SUV39H1: variants seen among roughly 807,000 people sequenced by gnomAD.
SUV39H1 encodes the protein histone-lysine N-methyltransferase SUV39H1.
For synonymous variants in SUV39H1, 141 were observed against 150.5 expected (o/e 0.94, Z 0.46); for missense variants, 180 against 386.3 (o/e 0.47, Z 4.48).
intron 1 of SUV39H1, 133 bp from the exon 2 acceptor site, chrX:48,698,769 G>T: frequency 1.3e-6 from 1 of 784,988 alleles, no homozygotes; most frequent in Non-Finnish European, 1.8e-6. Context: ...CAGCACTGGG[G>T]AAGGCCTGTG....
At chrX:48,700,997 C>A (rs988104670) in intron 3 of SUV39H1, 3 of 455,012 alleles carry the variant, frequency 6.6e-6, no homozygotes, top group Non-Finnish European at 1.2e-5. Flanking sequence ...TTGACTTTAT[C>A]AGGGTACTTA....
chrX:48,696,709 C>G, upstream of SUV39H1: 1 of 1,110,258 alleles, frequency 9.0e-7, no homozygotes, highest in East Asian at 4.0e-5. Context: ...ATAGGCTGCG[C>G]GTTCCCGGCC....
chrX:48,698,468 C>T (rs1019576571), intron 1 of SUV39H1, among the ~76,000 whole-genome samples: 3 of 111,294 alleles, frequency 2.7e-5, no homozygotes, highest in South Asian at 3.7e-4. Flanking sequence ...TGTTTGGTGC[C>T]CTGGAGGTTT....
chrX:48,705,829 C>T (rs1178598236), intron 3 of SUV39H1, among the ~76,000 whole-genome samples: 2 of 112,136 alleles, frequency 1.8e-5, no homozygotes, highest in Non-Finnish European at 3.8e-5. Flanking sequence ...TGCATGGGCT[C>T]AGGCTCCCTT....
upstream of SUV39H1, chrX:48,696,694 G>A (rs994852982): frequency 6.4e-6 from 7 of 1,086,729 alleles, no homozygotes; most frequent in Admixed American, 2.0e-4. Context: ...CGGGAGCCGC[G>A]GCCAATAGGC....
At chrX:48,695,731 C>A, upstream of SUV39H1, 1 of 1,146,219 alleles carries the variant, frequency 8.7e-7, no homozygotes, top group Non-Finnish European at 1.2e-6. Flanking sequence ...ATCGGCATAG[C>A]TGTCTGACTC....
chrX:48,703,305 G>A (rs1037582201), intron 3 of SUV39H1, among the ~76,000 whole-genome samples: 4 of 111,844 alleles, frequency 3.6e-5, no homozygotes, highest in Non-Finnish European at 7.5e-5. Flanking sequence ...CATACATTTC[G>A]TTGCAGCAGT....
Position 48,700,732 on chromosome X carries a change from C to T in SUV39H1, c.807C>T (p.Phe269=), listed in dbSNP as rs1557009332. 1.5e-5 allele frequency: 18 copies of T among 1,208,073 alleles called. No homozygotes were observed. Among genetic ancestry groups the T allele is most frequent in the South Asian group, 3.5e-5 (2 of 56,722 alleles). ...RTLEKIRKNS[F]VMEYVGEIIT... is the part of the protein sequence containing the mutation. ...TGGAGAAGATTCGCAAGAACAGCTTCGTCATGGAGTACGTGGGAGAGGTAG... is the reference window on the plus strand; with the variant it reads ...TGGAGAAGATTCGCAAGAACAGCTTTGTCATGGAGTACGTGGGAGAGGTAG... Residue 269 remains phenylalanine, a synonymous_variant, in exon 3 of 6, where the codon TTC becomes TTT. Coordinates refer to ENST00000376687, the MANE Select transcript of SUV39H1 (RefSeq NM_003173.4).
rs782426376 is a variant in SUV39H1, at chrX:48,701,524, A to G, written c.828+771A>G. 2.7e-5 allele frequency among the ~76,000 whole-genome samples: 3 copies of G among 111,487 alleles called. No homozygotes were observed. The East Asian group carries it at 8.5e-4, about 32-fold the overall frequency. ...GTGGGGGATAGAAGGGGCCCATCCTAGTGGGCCAGGCCTAGATGCAGCACC... is the reference window on the plus strand; with the variant it reads ...GTGGGGGATAGAAGGGGCCCATCCTGGTGGGCCAGGCCTAGATGCAGCACC... On this transcript the variant is annotated intron_variant, in intron 3 of 5. Transcript: ENST00000376687.
chrX:48,695,901 T>C, upstream of SUV39H1: 1 of 1,154,981 alleles, frequency 8.7e-7, no homozygotes, highest in Non-Finnish European at 1.1e-6. Context: ...CTACCTCTAG[T>C]TGCTGTGACT....
upstream of SUV39H1, among the ~76,000 whole-genome samples, chrX:48,696,369 T>C (rs2147271058): frequency 8.9e-6 from 1 of 111,927 alleles, no homozygotes; most frequent in African/African-American, 3.2e-5. Context: ...ACGGCACTAG[T>C]CCACCTGGGA....
intron 2 of SUV39H1, chrX:48,699,300 G>C: frequency 6.4e-6 from 2 of 312,146 alleles, no homozygotes; most frequent in East Asian, 5.1e-5. Context: ...TAATTGCAGA[G>C]ATTGAGATGC....
At chrX:48,702,378 T>C (rs2062477670) in intron 3 of SUV39H1, among the ~76,000 whole-genome samples, 1 of 111,218 alleles carries the variant, frequency 9.0e-6, no homozygotes, top group Admixed American at 9.5e-5. Context: ...AAAAGAAGTG[T>C]CCTCACCCCA....
chrX:48,699,434 G>C (rs782491535), intron 2 of SUV39H1, among the ~76,000 whole-genome samples: 1 of 111,585 alleles, frequency 9.0e-6, no homozygotes, highest in Admixed American at 9.5e-5. Flanking sequence ...ATTGCCAGAA[G>C]GGGGAGTGGC....
In SUV39H1 at chrX:48,700,711, G is replaced by A. The variant is rs782185928; in HGVS notation, c.786G>A (p.Glu262=). The stretch of plus-strand genomic sequence containing the variant: ...GTGGCTGGGGCGTCCGCACCCTGGA[G>A]AAGATTCGCAAGAACAGCTTCGTCA... ...DGRGWGVRTL[E]KIRKNSFVME... Residue 262 remains glutamate, a synonymous_variant, in exon 3 of 6, where the codon GAG becomes GAA. Coordinates refer to ENST00000376687, the MANE Select transcript of SUV39H1 (RefSeq NM_003173.4). The A allele has an allele frequency of 3.9e-5, 47 of 1,210,239 alleles. No individual in the cohort carries two copies. The highest frequency in any genetic ancestry group is 5.6e-6 in the Non-Finnish European group (5 of 894,940).
chrX:48,708,153 G>A lies in SUV39H1; in HGVS notation c.*583G>A, dbSNP rs984014719. On this transcript the variant is annotated 3_prime_UTR_variant, in exon 6 of 6. Coordinates refer to ENST00000376687, the MANE Select transcript of SUV39H1 (RefSeq NM_003173.4). ...GTGCTGGGTAGTGTTGGCCCTAAGAGCTGTAGGGTCTCTTCTTCAGGGCTG... is the reference window on the plus strand; with the variant it reads ...GTGCTGGGTAGTGTTGGCCCTAAGAACTGTAGGGTCTCTTCTTCAGGGCTG... 5 of 153,506 alleles carry A rather than the reference G, an allele frequency of 3.3e-5. No individual in the cohort carries two copies. The highest frequency in any genetic ancestry group is 5.0e-5 in the Non-Finnish European group (4 of 80,034). The allele number at this position is 153,506 out of a possible 1,213,427, so 12.7% of individuals were successfully genotyped here. A position where few individuals can be genotyped will look rare whatever the true frequency, so the allele number is the denominator to read the frequency against.
At chrX:48,706,713 G>A in intron 5 of SUV39H1, 86 bp downstream of exon 5, 3 of 1,059,632 alleles carry the variant, frequency 2.8e-6, no homozygotes, top group East Asian at 3.2e-5. Flanking sequence ...GTCACTCAGA[G>A]AACCAAGGAA....
chrX:48,702,041 A>G (rs1175770883), intron 3 of SUV39H1, among the ~76,000 whole-genome samples: 1 of 111,290 alleles, frequency 9.0e-6, no homozygotes, highest in African/African-American at 3.3e-5. Context: ...GGACAGAGAC[A>G]ATCTTGGGTA....
chrX:48,699,178 G>A, intron 2 of SUV39H1, 131 bp downstream of exon 2: 1 of 710,426 alleles, frequency 1.4e-6, no homozygotes, highest in Non-Finnish European at 2.0e-6. Flanking sequence ...AACACAGGAT[G>A]AATAGACCCT....
Sources: gnomAD v4.1 joint callset for allele counts (sites outside exome capture counted in the v4.1 genomes callset) on GRCh38, gnomAD v4.1.1 for gene constraint, MANE v1.5 for transcripts, NCBI Gene and HGNC (gene_info 2026-07-23, HGNC 2026-07-21) for gene names.